PLEKHH2: variants seen among roughly 807,000 people sequenced by gnomAD.
The protein encoded by PLEKHH2 is pleckstrin homology, MyTH4 and FERM domain containing H2, also known as pleckstrin homology domain-containing family H member 2.
Under a neutral mutation model 187.9 loss-of-function variants are expected in PLEKHH2, and 129 were observed. The ratio of observed to expected loss-of-function variants is 0.69; its 90% CI spans 0.59 to 0.79. PLEKHH2 has a LOEUF of 0.79. Ranked by LOEUF, PLEKHH2 falls within the 30% of genes least tolerant of loss-of-function variation. The pLI is 0.00. For synonymous variants in PLEKHH2, 686 were observed against 605.6 expected, an observed-to-expected ratio of 1.13 and a Z score of -1.95; for missense variants, 2,076 against 1,751.2, an observed-to-expected ratio of 1.19 and a Z score of -3.31.
chr2:43,765,546 G>A lies in PLEKHH2; in HGVS notation c.4430G>A (p.Ser1477Asn), dbSNP rs553538333. 1 of 1,613,804 alleles carries A rather than the reference G, an allele frequency of 6.2e-7. No individual in the cohort carries two copies. The highest frequency in any genetic ancestry group is 1.3e-5 in the African/African-American group (1 of 74,786). The part of the protein sequence containing the change: ...TRGPQARMMG[S>N]QPLLSSSRPT... ...GGACCCCAAGCCAGAATGATGGGAA[G>A]CCAGCCTCTTCTGTCAAGCAGCAGA... Residue 1477 changes from serine (S) to asparagine (N), a missense_variant, in exon 30 of 30, where the codon AGC (serine) becomes AAC (asparagine). Coordinates refer to ENST00000282406, the MANE Select transcript of PLEKHH2 (RefSeq NM_172069.4).
In PLEKHH2 at chr2:43,765,403, C is replaced by T. The variant is rs1433506570; in HGVS notation, c.4297-10C>T. Reference sequence around the variant, plus strand: ...TAAGGAGCAAAACAATTCTGTTTTCCTTGTTTTAGATTCTTGAAATCACTC... The same window carrying T: ...TAAGGAGCAAAACAATTCTGTTTTCTTTGTTTTAGATTCTTGAAATCACTC... On this transcript the variant is annotated splice_polypyrimidine_tract_variant and intron_variant, in intron 29 of 29. Coordinates refer to ENST00000282406, the MANE Select transcript of PLEKHH2 (RefSeq NM_172069.4). The T allele has an allele frequency of 1.9e-6, 3 of 1,612,640 alleles. No homozygotes were observed. The African/African-American group carries it at 4.0e-5, about 22-fold the overall frequency.
At chr2:43,754,334 G>C (rs1181766553) in intron 25 of PLEKHH2, among the ~76,000 whole-genome samples, 1 of 150,370 alleles carries the variant, frequency 6.7e-6, no homozygotes, top group African/African-American at 2.5e-5. Context: ...GCCATCCCTA[G>C]GGTGTCATCA....
At position 43,695,603 on chromosome 2, in the gene PLEKHH2, G is replaced by A. The variant is rs374714955; in HGVS notation, c.502+379G>A. Among the ~76,000 whole-genome samples the A allele has an allele frequency of 7.7e-4, 117 of 152,338 alleles. 3 individuals are homozygous for A. The South Asian group carries it at 0.024, about 32-fold the overall frequency. ...ACAGAGACATTAGCCTGGGAGGTCA[G>A]ACATATGGATGATGGGTACCAATCT... On this transcript the variant is annotated intron_variant, in intron 6 of 29. Transcript: ENST00000282406.
chr2:43,727,410 C>CAAAAAAAAAGA (rs1670811840), intron 17 of PLEKHH2, among the ~76,000 whole-genome samples: 1 of 114,842 alleles, frequency 8.7e-6, no homozygotes, highest in Non-Finnish European at 1.7e-5. Context: ...GACTCCGTCT[C>CAAAAAAAAAGA]AAAAAAAAAA....
At chr2:43,751,050 C>G (rs1671990369) in intron 24 of PLEKHH2, among the ~76,000 whole-genome samples, 1 of 152,206 alleles carries the variant, frequency 6.6e-6, no homozygotes, top group Non-Finnish European at 1.5e-5. Flanking sequence ...CTTAACATCT[C>G]TGTGCCTCAG....
At chr2:43,712,835 C>T (rs1053487798) in intron 15 of PLEKHH2, among the ~76,000 whole-genome samples, 11 of 152,098 alleles carry the variant, frequency 7.2e-5, no homozygotes, top group Non-Finnish European at 1.5e-4. Context: ...AAACATTTTA[C>T]TGTCACTCAA....
chr2:43,638,924 G>A (rs1460443804), intron 1 of PLEKHH2, among the ~76,000 whole-genome samples: 1 of 152,128 alleles, frequency 6.6e-6, no homozygotes, highest in Non-Finnish European at 1.5e-5. Context: ...CATTAATAGG[G>A]AATGTAGATG....
chr2:43,719,271 G>C (rs1670364006), intron 15 of PLEKHH2, among the ~76,000 whole-genome samples: 2 of 152,088 alleles, frequency 1.3e-5, no homozygotes, highest in Admixed American at 1.3e-4. Flanking sequence ...TTCTGTCCCA[G>C]TCACTTAACT....
At chr2:43,684,835 A>AAG (rs1326200346) in intron 3 of PLEKHH2, among the ~76,000 whole-genome samples, 1 of 151,936 alleles carries the variant, frequency 6.6e-6, no homozygotes, top group Non-Finnish European at 1.5e-5. Context: ...AAAAAAAAAA[A>AAG]AGAGAGAGAA....
intron 3 of PLEKHH2, chr2:43,679,713 C>G (rs1366085896): frequency 5.9e-6 from 1 of 168,680 alleles, no homozygotes; most frequent in Non-Finnish European, 1.3e-5. Context: ...TGGCCTCAAA[C>G]TCCTGACCTC....
chr2:43,677,805 C>T (rs747982296), intron 2 of PLEKHH2, among the ~76,000 whole-genome samples: 5 of 148,570 alleles, frequency 3.4e-5, no homozygotes, highest in East Asian at 2.1e-4. Context: ...CCTCCCGCAC[C>T]GGGCAGCTGG....
At chr2:43,748,311 T>G (rs77137649) in intron 24 of PLEKHH2, among the ~76,000 whole-genome samples, 1,781 of 152,312 alleles carry the variant, frequency 0.012, 42 homozygotes, top group African/African-American at 0.041. Context: ...GCATAGATAT[T>G]GGAAATCTAA....
At chr2:43,643,772 A>T (rs1170210354) in intron 1 of PLEKHH2, among the ~76,000 whole-genome samples, 1 of 152,130 alleles carries the variant, frequency 6.6e-6, no homozygotes, top group African/African-American at 2.4e-5. Context: ...TATTAAAAAT[A>T]GCCTGATAAA....
chr2:43,712,451 G>T, intron 15 of PLEKHH2, 68 bp downstream of exon 15: 1 of 1,521,926 alleles, frequency 6.6e-7, no homozygotes, highest in East Asian at 2.3e-5. Flanking sequence ...CGCTGAAAAT[G>T]GGATGTCAGA....
intron 2 of PLEKHH2, among the ~76,000 whole-genome samples, chr2:43,670,737 C>G (rs1335169750): frequency 6.6e-6 from 1 of 151,832 alleles, no homozygotes; most frequent in Admixed American, 6.6e-5. Flanking sequence ...TTGATTAAGA[C>G]TGGGTGGAAT....
intron 2 of PLEKHH2, among the ~76,000 whole-genome samples, chr2:43,678,158 C>G (rs34770035): frequency 0.48 from 72,022 of 150,250 alleles, 17,859 homozygotes; most frequent in Non-Finnish European, 0.53. Context: ...GATGGGTGGC[C>G]GGGCAGAGAG....
Position 43,699,755 on chromosome 2 carries a change from G to T in PLEKHH2, c.797G>T (p.Arg266Ile). ...GGCTCAGAACAGAATCGGAAAACAA[G>T]AACAAGCTTTGCCACAGATGGTGGC... ...PCGSEQNRKT[R>I]TSFATDGGIS... The change falls in exon 8 of 30, where the codon AGA (arginine) becomes ATA (isoleucine). Residue 266 changes from arginine (R) to isoleucine (I), a missense_variant. Transcript: ENST00000282406. 1 of 1,614,168 alleles carries T rather than the reference G, an allele frequency of 6.2e-7. No individual in the cohort carries two copies. Among genetic ancestry groups the T allele is most frequent in the Non-Finnish European group, 8.5e-7 (1 of 1,180,024 alleles).
chr2:43,713,261 A>G (rs1342398231), intron 15 of PLEKHH2, among the ~76,000 whole-genome samples: 2 of 152,214 alleles, frequency 1.3e-5, no homozygotes, highest in African/African-American at 4.8e-5. Flanking sequence ...TATGATTAAT[A>G]TATCTGAAAT....
At chr2:43,719,181 G>A (rs1473876793) in intron 15 of PLEKHH2, among the ~76,000 whole-genome samples, 1 of 152,124 alleles carries the variant, frequency 6.6e-6, no homozygotes, top group Non-Finnish European at 1.5e-5. Context: ...TCCCGAGAAA[G>A]AGACTGTATC....
Sources: gnomAD v4.1 joint callset for allele counts (sites outside exome capture counted in the v4.1 genomes callset) on GRCh38, gnomAD v4.1.1 for gene constraint, MANE v1.5 for transcripts, NCBI Gene and HGNC (gene_info 2026-07-23, HGNC 2026-07-21) for gene names.